GIGYF2: variants seen among roughly 807,000 people sequenced by gnomAD.
GIGYF2 encodes GRB10-interacting GYF protein 2.
In GIGYF2, 25 loss-of-function variants were observed where a neutral mutation model predicts 208.1. The observed-to-expected ratio is 0.12, with a 90% CI of 0.09 to 0.17. The LOEUF is 0.17. Ranked by LOEUF, GIGYF2 falls within the 10% of genes least tolerant of loss-of-function variation. The probability of loss-of-function intolerance (pLI) is 1.00; values close to 1 mark genes in which losing one functional copy is unlikely to be tolerated. For missense variants in GIGYF2, 1,302 were observed against 1,579.4 expected, an observed-to-expected ratio of 0.82 and a Z score of 2.98; for synonymous variants, 534 against 543.8, an observed-to-expected ratio of 0.98 and a Z score of 0.25.
chr2:232,838,105 T>C (rs369272327), intron 22 of GIGYF2, among the ~76,000 whole-genome samples: 2 of 152,246 alleles, frequency 1.3e-5, no homozygotes, highest in East Asian at 1.9e-4. Flanking sequence ...TTATTTCCGA[T>C]GTACAAAGAA....
chr2:232,818,868 A>T (rs2106393825), intron 20 of GIGYF2, among the ~76,000 whole-genome samples: 1 of 152,274 alleles, frequency 6.6e-6, no homozygotes. Context: ...GGTTGTTTCC[A>T]GTTCTTCATT....
In GIGYF2 at chr2:232,796,179, A is replaced by G; in HGVS notation, c.1597A>G (p.Met533Val). ...GVSIPLMHEAMQKWYYKDPQG... is the reference protein window; with the variant it reads ...GVSIPLMHEAVQKWYYKDPQG... ...GTCGATTCCATTGATGCATGAAGCAATGCAGAAGTGGTATTACAAAGATCC... is the reference window on the plus strand; with the variant it reads ...GTCGATTCCATTGATGCATGAAGCAGTGCAGAAGTGGTATTACAAAGATCC... The change falls in exon 14 of 29, where the codon ATG becomes GTG. Residue 533 changes from methionine (M) to valine (V), a missense_variant. This residue lies in a region of GIGYF2 where 69 missense variants were observed against 132.8 expected (regional missense o/e 0.52). Coordinates refer to ENST00000373563, the MANE Select transcript of GIGYF2 (RefSeq NM_001103146.3). The G allele has an allele frequency of 3.7e-6, 6 of 1,607,258 alleles. No homozygotes were observed. Among genetic ancestry groups the G allele is most frequent in the East Asian group, 2.2e-5 (1 of 44,844 alleles).
chr2:232,705,048 A>G (rs1005742159), intron 2 of GIGYF2, among the ~76,000 whole-genome samples: 15 of 151,218 alleles, frequency 9.9e-5, no homozygotes, highest in Non-Finnish European at 1.9e-4. Flanking sequence ...TTCAGTAGAG[A>G]CGGGGTTTCA....
At chr2:232,783,943 C>T (rs1007834957) in intron 8 of GIGYF2, among the ~76,000 whole-genome samples, 32 of 152,200 alleles carry the variant, frequency 2.1e-4, no homozygotes, top group African/African-American at 7.7e-4. Context: ...CCGCCTCGGC[C>T]TCCCAAAGTG....
In GIGYF2 at chr2:232,813,520, T is replaced by A. The variant is rs567776463; in HGVS notation, c.2107+1029T>A. On this transcript the variant is annotated intron_variant, in intron 18 of 28. Coordinates refer to ENST00000373563, the MANE Select transcript of GIGYF2 (RefSeq NM_001103146.3). ...CTGCGCCCAGCCGAGCACCTCTGTT[T>A]CTTATGGTCTAAATACTTGCAGAGA... is the stretch of plus-strand genomic sequence containing the variant. 7.2e-5 allele frequency among the ~76,000 whole-genome samples: 11 copies of A among 152,278 alleles called. No individual in the cohort carries two copies. The South Asian group carries it at 2.3e-3, about 32-fold the overall frequency.
intron 6 of GIGYF2, among the ~76,000 whole-genome samples, chr2:232,756,939 C>T (rs1259093098): frequency 2.6e-5 from 4 of 152,124 alleles, no homozygotes; most frequent in South Asian, 4.2e-4. Context: ...TCCTATATGA[C>T]GACATTCTTA....
At chr2:232,817,238 G>A (rs975935784) in intron 20 of GIGYF2, among the ~76,000 whole-genome samples, 34 of 152,262 alleles carry the variant, frequency 2.2e-4, no homozygotes, top group Middle Eastern at 3.4e-3. Context: ...CACTAGAATT[G>A]ATATTCTTTG....
At chr2:232,708,928 C>G (rs1313691388) in intron 2 of GIGYF2, among the ~76,000 whole-genome samples, 1 of 152,134 alleles carries the variant, frequency 6.6e-6, no homozygotes, top group African/African-American at 2.4e-5. Context: ...CAGGACCAGC[C>G]TGGGCAACAT....
At chr2:232,811,527 G>A (rs758807884) in intron 17 of GIGYF2, among the ~76,000 whole-genome samples, 176 bp downstream of exon 17, 34 of 152,246 alleles carry the variant, frequency 2.2e-4, no homozygotes, top group Middle Eastern at 3.4e-3. Flanking sequence ...GGAGATAAGC[G>A]TTTATTTGGT....
intron 28 of GIGYF2, among the ~76,000 whole-genome samples, chr2:232,855,414 A>G (rs866028668): frequency 1.3e-5 from 2 of 152,172 alleles, no homozygotes; most frequent in Admixed American, 6.5e-5. Flanking sequence ...ATTGCCTTCA[A>G]TGGGTATGCT....
intron 3 of GIGYF2, among the ~76,000 whole-genome samples, chr2:232,739,374 C>CCG (rs1491502920): frequency 9.1e-6 from 1 of 109,810 alleles, no homozygotes; most frequent in Non-Finnish European, 1.9e-5. Context: ...CCCCCCCCCC[C>CCG]GCAAAAAAAA....
At chr2:232,728,407 T>A (rs1697305495) in intron 2 of GIGYF2, among the ~76,000 whole-genome samples, 1 of 152,176 alleles carries the variant, frequency 6.6e-6, no homozygotes, top group East Asian at 1.9e-4. Context: ...AATCCAGACA[T>A]GCATTAATAG....
At chr2:232,803,025 G>C (rs1183408352) in intron 14 of GIGYF2, among the ~76,000 whole-genome samples, 2 of 151,936 alleles carry the variant, frequency 1.3e-5, no homozygotes, top group Admixed American at 6.6e-5. Flanking sequence ...TCAGCCTCCT[G>C]AGTAGCTGAG....
rs374864322 is a variant in GIGYF2, at chr2:232,776,538, T to A, written c.533-10612T>A. On this transcript the variant is annotated intron_variant, in intron 8 of 28. Transcript: ENST00000373563. ...TGATCAGATAATTTTAATCTACAAG[T>A]CTAGTTTGTAGGTTCTCTTCTTGGA... The A allele has an allele frequency of 3.9e-4, 367 of 940,290 alleles. 1 individual carries two copies. Among genetic ancestry groups the A allele is most frequent in the East Asian group, 2.0e-3 (81 of 39,574 alleles). 58.2% of individuals were successfully genotyped at this position (940,290 alleles called of 1,614,324 possible). A position where few individuals can be genotyped will look rare whatever the true frequency, so the allele number is the denominator to read the frequency against.
intron 27 of GIGYF2, 83 bp downstream of exon 27, chr2:232,847,654 C>G: frequency 6.4e-7 from 1 of 1,554,708 alleles, no homozygotes; most frequent in African/African-American, 1.4e-5. Flanking sequence ...AAAATTAATA[C>G]AAAGGTACCA....
chr2:232,796,782 C>A (rs1247849931), intron 14 of GIGYF2, among the ~76,000 whole-genome samples: 9 of 152,084 alleles, frequency 5.9e-5, no homozygotes, highest in Non-Finnish European at 1.2e-4. Context: ...ATCACTTGAA[C>A]CCAGGAGGCA....
intron 27 of GIGYF2, 50 bp downstream of exon 27, chr2:232,847,621 G>T: frequency 6.2e-7 from 1 of 1,604,168 alleles, no homozygotes; most frequent in Non-Finnish European, 8.5e-7. Flanking sequence ...AATACCTTTA[G>T]ATGTTGAGTA....
At chr2:232,835,444 C>T (rs1701554295) in intron 22 of GIGYF2, among the ~76,000 whole-genome samples, 1 of 152,178 alleles carries the variant, frequency 6.6e-6, no homozygotes, top group South Asian at 2.1e-4. Flanking sequence ...TTTGTGAAAT[C>T]TGACATCTTG....
intron 2 of GIGYF2, among the ~76,000 whole-genome samples, chr2:232,704,168 T>G (rs1368178988): frequency 6.6e-6 from 1 of 152,152 alleles, no homozygotes; most frequent in Non-Finnish European, 1.5e-5. Context: ...GTCCCACTCC[T>G]AATGGTGGGG....
Sources: gnomAD v4.1 joint callset for allele counts (sites outside exome capture counted in the v4.1 genomes callset) on GRCh38, gnomAD v4.1.1 for gene constraint, gnomAD v4.1.1 regional missense constraint, MANE v1.5 for transcripts, NCBI Gene and HGNC (gene_info 2026-07-23, HGNC 2026-07-21) for gene names.